DRD5: variants seen among roughly 807,000 people sequenced by gnomAD.
DRD5 encodes D(1B) dopamine receptor.
For missense variants in DRD5, 758 were observed against 657.8 expected, an observed-to-expected ratio of 1.15 and a Z score of -1.67; for synonymous variants, 327 against 277.1, an observed-to-expected ratio of 1.18 and a Z score of -1.79.
Position 9,782,006 on chromosome 4 carries a change from A to G in DRD5, c.-24A>G. The stretch of plus-strand genomic sequence containing the variant: ...GGGCTGAAGTTGGGACCGCGCACAG[A>G]CCGCCCCTGCAGTCCAGCCCGAAAT... On this transcript the variant is annotated 5_prime_UTR_variant, in exon 1 of 1. Transcript: ENST00000304374. The G allele has an allele frequency of 7.1e-7, 1 of 1,412,412 alleles. No homozygotes were observed. The highest frequency in any genetic ancestry group is 9.2e-7 in the Non-Finnish European group (1 of 1,083,800). 87.5% of individuals were successfully genotyped at this position (1,412,412 alleles called of 1,614,324 possible). A position where few individuals can be genotyped will look rare whatever the true frequency, so the allele number is the denominator to read the frequency against.
Position 9,782,441 on chromosome 4 carries a change from C to A in DRD5, c.412C>A (p.Arg138Ser), listed in dbSNP as rs765839800. The change falls in exon 1 of 1, where the codon CGC (arginine) becomes AGC (serine). Residue 138 changes from arginine to serine, a missense_variant. Coordinates refer to ENST00000304374, the MANE Select transcript of DRD5 (RefSeq NM_000798.5). ...GAACCTGTGCGTCATCAGCGTGGAC[C>A]GCTACTGGGCCATCTCCAGGCCCTT... is the stretch of plus-strand genomic sequence containing the variant. The part of the protein sequence containing the change: ...ILNLCVISVD[R>S]YWAISRPFRY... 18 of 1,613,846 alleles carry A rather than the reference C, an allele frequency of 1.1e-5. No homozygotes were observed. The Admixed American group carries it at 2.7e-4, about 24-fold the overall frequency.
Position 9,782,896 on chromosome 4 carries a change from G to C in DRD5, c.867G>C (p.Lys289Asn). 6.2e-7 allele frequency: 1 copy of C among 1,613,938 alleles called. No individual in the cohort carries two copies. The highest frequency in any genetic ancestry group is 8.5e-7 in the Non-Finnish European group (1 of 1,180,022). Residue 289 changes from lysine to asparagine, a missense_variant, in exon 1 of 1, where the codon AAG becomes AAC. Coordinates refer to ENST00000304374, the MANE Select transcript of DRD5 (RefSeq NM_000798.5). ...ACACCAGCCTGCGCGCTTCCATCAA[G>C]AAGGAGACCAAGGTTCTCAAGACCC... ...APDTSLRASIKKETKVLKTLS... is the reference protein window; with the variant it reads ...APDTSLRASINKETKVLKTLS...
In DRD5 at chr4:9,782,024, C is replaced by T. The variant is rs563430281; in HGVS notation, c.-6C>T. On this transcript the variant is annotated 5_prime_UTR_variant, in exon 1 of 1. Transcript: ENST00000304374. ...CGCACAGACCGCCCCTGCAGTCCAG[C>T]CCGAAATGCTGCCGCCAGGCAGCAA... is the stretch of plus-strand genomic sequence containing the variant. 48 of 1,457,906 alleles carry T rather than the reference C, an allele frequency of 3.3e-5. No individual in the cohort carries two copies. The highest frequency in any genetic ancestry group is 1.8e-4 in the Middle Eastern group (1 of 5,466). 90.3% of individuals were successfully genotyped at this position (1,457,906 alleles called of 1,614,324 possible).
In DRD5 at chr4:9,783,847, G is replaced by C. The variant is rs1052992321; in HGVS notation, c.*384G>C. On this transcript the variant is annotated 3_prime_UTR_variant, in exon 1 of 1. Transcript: ENST00000304374. ...TTGATTTTTAAACAGCAGGTTGTGT[G>C]TGTGTGCAGTGATGTGGTGGGAGCA... 4.8e-6 allele frequency: 1 copy of C among 207,658 alleles called. No homozygotes were observed. Among genetic ancestry groups the C allele is most frequent in the Non-Finnish European group, 1.1e-5 (1 of 93,318 alleles). 12.9% of individuals were successfully genotyped at this position (207,658 alleles called of 1,614,324 possible).
chr4:9,783,054 A>T lies in DRD5; in HGVS notation c.1025A>T (p.Asp342Val), dbSNP rs1007928569. 1.2e-6 allele frequency: 2 copies of T among 1,614,098 alleles called. No individual in the cohort carries two copies. The highest frequency in any genetic ancestry group is 1.7e-6 in the Non-Finnish European group (2 of 1,180,008). ...GFPCVSETTF[D>V]VFVWFGWANS... ...CCCTGCGTCAGTGAGACCACCTTCG[A>T]CGTCTTCGTCTGGTTCGGCTGGGCT... The change falls in exon 1 of 1, where the codon GAC (aspartate) becomes GTC (valine). Residue 342 changes from aspartate to valine, a missense_variant. Physicochemically the swap from Asp to Val is radical, Grantham distance 152. Transcript: ENST00000304374.
rs763209393 is a variant in DRD5 at position 9,782,919 on chromosome 4, C to G, written c.890C>G (p.Thr297Ser). The change falls in exon 1 of 1, where the codon ACC (threonine) becomes AGC (serine). Residue 297 changes from threonine to serine, a missense_variant. By Grantham distance (58) the Thr-to-Ser change is moderately conservative. Transcript: ENST00000304374. ...AAGAAGGAGACCAAGGTTCTCAAGA[C>G]CCTGTCGGTGATCATGGGGGTCTTC... is the stretch of plus-strand genomic sequence containing the variant. ...SIKKETKVLK[T>S]LSVIMGVFVC... is the part of the protein sequence containing the mutation. 6.2e-7 allele frequency: 1 copy of G among 1,613,984 alleles called. No individual in the cohort carries two copies. Among genetic ancestry groups the G allele is most frequent in the South Asian group, 1.1e-5 (1 of 91,078 alleles).
chr4:9,782,737 C>T lies in DRD5; in HGVS notation c.708C>T (p.Ile236=). The change falls in exon 1 of 1, where the codon ATC becomes ATT. Residue 236 remains isoleucine (I), a synonymous_variant. Transcript: ENST00000304374. ...CTTCCTCGCTCATCAGCTTCTACAT[C>T]CCCGTTGCCATCATGATCGTGACCT... ...AISSSLISFY[I]PVAIMIVTYT... is the part of the protein sequence containing the mutation. The T allele has an allele frequency of 1.2e-6, 2 of 1,613,970 alleles. No homozygotes were observed. The highest frequency in any genetic ancestry group is 2.2e-5 in the East Asian group (1 of 44,870).
At position 9,782,873 on chromosome 4, in the gene DRD5, A is replaced by G; in HGVS notation, c.844A>G (p.Thr282Ala). Reference sequence around the variant, plus strand: ...GAGCAGCGCAGCCTGCGCGCCCGACACCAGCCTGCGCGCTTCCATCAAGAA... The same window carrying G: ...GAGCAGCGCAGCCTGCGCGCCCGACGCCAGCCTGCGCGCTTCCATCAAGAA... ...CRSSAACAPD[T>A]SLRASIKKET... Residue 282 changes from threonine (T) to alanine (A), a missense_variant, in exon 1 of 1, where the codon ACC (threonine) becomes GCC (alanine). By Grantham distance (58) the Thr-to-Ala change is moderately conservative (BLOSUM62 0). Transcript: ENST00000304374. 1 of 1,613,724 alleles carries G rather than the reference A, an allele frequency of 6.2e-7. No individual in the cohort carries two copies. Among genetic ancestry groups the G allele is most frequent in the Non-Finnish European group, 8.5e-7 (1 of 1,179,906 alleles).
rs952051787 is a variant in DRD5 at position 9,782,121 on chromosome 4, C to A, written c.92C>A (p.Ala31Glu). 1.9e-6 allele frequency: 3 copies of A among 1,545,942 alleles called. No homozygotes were observed. Among genetic ancestry groups the A allele is most frequent in the Non-Finnish European group, 2.6e-6 (3 of 1,145,880 alleles). The change falls in exon 1 of 1, where the codon GCG becomes GAG. Residue 31 changes from alanine (A) to glutamate (E), a missense_variant. Ala to Glu is a moderately radical substitution (Grantham distance 107). Transcript: ENST00000304374. ...CAGGGGAACGCCGTGGGGGGCTCGGCGGGGGCACCGCCACTGGGGCCCTCA... is the reference window on the plus strand; with the variant it reads ...CAGGGGAACGCCGTGGGGGGCTCGGAGGGGGCACCGCCACTGGGGCCCTCA... ...LAQGNAVGGS[A>E]GAPPLGPSQV...
Position 9,781,729 on chromosome 4 carries a change from C to A in DRD5, c.-301C>A. On this transcript the variant is annotated 5_prime_UTR_variant, in exon 1 of 1. Transcript: ENST00000304374. ...GAACCAGACACAGCCGCTGCCGCTG[C>A]CGTCCGGCGCGCTACAGACTCCCGA... 3.0e-6 allele frequency: 1 copy of A among 333,728 alleles called. No individual in the cohort carries two copies. 20.7% of individuals were successfully genotyped at this position (333,728 alleles called of 1,614,324 possible). A position where few individuals can be genotyped will look rare whatever the true frequency, so the allele number is the denominator to read the frequency against.
rs1016630366 is a variant in DRD5 at position 9,783,673 on chromosome 4, G to A, written c.*210G>A. 3 of 580,806 alleles carry A rather than the reference G, an allele frequency of 5.2e-6. No individual in the cohort carries two copies. In the African/African-American group the frequency reaches 5.6e-5, roughly 11 times the overall value. The allele number at this position is 580,806 out of a possible 1,614,324, so 36.0% of individuals were successfully genotyped here. A position where few individuals can be genotyped will look rare whatever the true frequency, so the allele number is the denominator to read the frequency against. On this transcript the variant is annotated 3_prime_UTR_variant, in exon 1 of 1. Coordinates refer to ENST00000304374, the MANE Select transcript of DRD5 (RefSeq NM_000798.5). ...CAATAAACTCAGTCAAATGTACCCA[G>A]CCTACCAGAGATGGACCAACGATCC... is the stretch of plus-strand genomic sequence containing the variant.
At position 9,783,176 on chromosome 4, in the gene DRD5, C is replaced by A; in HGVS notation, c.1147C>A (p.Pro383Thr). 3 of 1,614,228 alleles carry A rather than the reference C, an allele frequency of 1.9e-6. No individual in the cohort carries two copies. The highest frequency in any genetic ancestry group is 2.5e-6 in the Non-Finnish European group (3 of 1,180,048). Residue 383 changes from proline (P) to threonine (T), a missense_variant, in exon 1 of 1, where the codon CCG (proline) becomes ACG (threonine). By Grantham distance (38) the Pro-to-Thr change is conservative. Transcript: ENST00000304374. The part of the protein sequence containing the change: ...LGCSHFCSRT[P>T]VETVNISNEL... ...GTGCAGCCACTTCTGCTCCCGCACG[C>A]CGGTGGAGACGGTGAACATCAGCAA...
Position 9,782,477 on chromosome 4 carries a change from C to G in DRD5, c.448C>G (p.Arg150Gly). 1 of 1,613,968 alleles carries G rather than the reference C, an allele frequency of 6.2e-7. No individual in the cohort carries two copies. Among genetic ancestry groups the G allele is most frequent in the Non-Finnish European group, 8.5e-7 (1 of 1,179,830 alleles). Reference protein sequence around the residue: ...WAISRPFRYKRKMTQRMALVM... With the variant: ...WAISRPFRYKGKMTQRMALVM... ...CATCTCCAGGCCCTTCCGCTACAAG[C>G]GCAAGATGACTCAGCGCATGGCCTT... Residue 150 changes from arginine (R) to glycine (G), a missense_variant, in exon 1 of 1, where the codon CGC becomes GGC. Arg to Gly is a moderately radical substitution (Grantham distance 125). Coordinates refer to ENST00000304374, the MANE Select transcript of DRD5 (RefSeq NM_000798.5).
Position 9,782,705 on chromosome 4 carries a change from G to T in DRD5, c.676G>T (p.Ala226Ser), listed in dbSNP as rs762388093. Reference protein sequence around the residue: ...NCDSSLNRTYAISSSLISFYI... With the variant: ...NCDSSLNRTYSISSSLISFYI... The stretch of plus-strand genomic sequence containing the variant: ...TGACTCCAGCCTGAATCGAACCTAC[G>T]CCATCTCTTCCTCGCTCATCAGCTT... Residue 226 changes from alanine (A) to serine (S), a missense_variant, in exon 1 of 1, where the codon GCC (alanine) becomes TCC (serine). By Grantham distance (99) the Ala-to-Ser change is moderately conservative. Coordinates refer to ENST00000304374, the MANE Select transcript of DRD5 (RefSeq NM_000798.5). The T allele has an allele frequency of 1.2e-6, 2 of 1,614,002 alleles. No individual in the cohort carries two copies. The highest frequency in any genetic ancestry group is 1.1e-5 in the South Asian group (1 of 91,080).
rs778933591 is a variant in DRD5, at chr4:9,782,494, C to G, written c.465C>G (p.Arg155=). ...PFRYKRKMTQ[R]MALVMVGLAW... is the part of the protein sequence containing the mutation. ...GCTACAAGCGCAAGATGACTCAGCG[C>G]ATGGCCTTGGTCATGGTCGGCCTGG... is the stretch of plus-strand genomic sequence containing the variant. Residue 155 remains arginine, a synonymous_variant, in exon 1 of 1, where the codon CGC becomes CGG. Coordinates refer to ENST00000304374, the MANE Select transcript of DRD5 (RefSeq NM_000798.5). 3.7e-6 allele frequency: 6 copies of G among 1,613,894 alleles called. No homozygotes were observed. In the South Asian group the frequency reaches 5.5e-5, roughly 15 times the overall value.
At position 9,783,019 on chromosome 4, in the gene DRD5, G is replaced by A. The variant is rs139981364; in HGVS notation, c.990G>A (p.Pro330=). 1,000 of 1,614,228 alleles carry A rather than the reference G, an allele frequency of 6.2e-4. 9 individuals are homozygous for A. In the African/African-American group the frequency reaches 0.012, roughly 19 times the overall value. The stretch of plus-strand genomic sequence containing the variant: ...GCAGTGGACACCCCGAAGGCCCTCC[G>A]GCCGGCTTCCCCTGCGTCAGTGAGA... ...PFCSGHPEGP[P]AGFPCVSETT... The change falls in exon 1 of 1, where the codon CCG becomes CCA. Residue 330 remains proline, a synonymous_variant. Coordinates refer to ENST00000304374, the MANE Select transcript of DRD5 (RefSeq NM_000798.5).
In DRD5 at chr4:9,783,038, A is replaced by T. The variant is rs768720947; in HGVS notation, c.1009A>T (p.Ser337Cys). 9 of 1,614,104 alleles carry T rather than the reference A, an allele frequency of 5.6e-6. No homozygotes were observed. The Admixed American group carries it at 1.2e-4, about 21-fold the overall frequency. The change falls in exon 1 of 1, where the codon AGT becomes TGT. Residue 337 changes from serine to cysteine, a missense_variant. Coordinates refer to ENST00000304374, the MANE Select transcript of DRD5 (RefSeq NM_000798.5). ...EGPPAGFPCV[S>C]ETTFDVFVWF... is the part of the protein sequence containing the mutation. ...CCCTCCGGCCGGCTTCCCCTGCGTCAGTGAGACCACCTTCGACGTCTTCGT... is the reference window on the plus strand; with the variant it reads ...CCCTCCGGCCGGCTTCCCCTGCGTCTGTGAGACCACCTTCGACGTCTTCGT...
rs568196155 is a variant in DRD5 at position 9,782,828 on chromosome 4, G to C, written c.799G>C (p.Glu267Gln). Residue 267 changes from glutamate to glutamine, a missense_variant, in exon 1 of 1, where the codon GAG (glutamate) becomes CAG (glutamine). Glu to Gln is a conservative substitution (Grantham distance 29, BLOSUM62 2). Transcript: ENST00000304374. The part of the protein sequence containing the change: ...RRISSLERAA[E>Q]HAQSCRSSAA... ...GATTTCCTCCCTGGAGAGGGCCGCA[G>C]AGCACGCGCAGAGCTGCCGGAGCAG... 2 of 1,613,364 alleles carry C rather than the reference G, an allele frequency of 1.2e-6. No homozygotes were observed. Among genetic ancestry groups the C allele is most frequent in the East Asian group, 4.5e-5 (2 of 44,862 alleles).
In DRD5 at chr4:9,782,469, G is replaced by T. The variant is rs896687934; in HGVS notation, c.440G>T (p.Arg147Leu). Reference sequence around the variant, plus strand: ...TACTGGGCCATCTCCAGGCCCTTCCGCTACAAGCGCAAGATGACTCAGCGC... The same window carrying T: ...TACTGGGCCATCTCCAGGCCCTTCCTCTACAAGCGCAAGATGACTCAGCGC... ...DRYWAISRPFRYKRKMTQRMA... is the reference protein window; with the variant it reads ...DRYWAISRPFLYKRKMTQRMA... The change falls in exon 1 of 1, where the codon CGC becomes CTC. Residue 147 changes from arginine (R) to leucine (L), a missense_variant. By Grantham distance (102) the Arg-to-Leu change is moderately radical. Transcript: ENST00000304374. 6.2e-7 allele frequency: 1 copy of T among 1,613,916 alleles called. No individual in the cohort carries two copies. The highest frequency in any genetic ancestry group is 8.5e-7 in the Non-Finnish European group (1 of 1,179,816).
Sources: gnomAD v4.1 joint callset for allele counts on GRCh38, gnomAD v4.1.1 for gene constraint, MANE v1.5 for transcripts, NCBI Gene and HGNC (gene_info 2026-07-23, HGNC 2026-07-21) for gene names.